Variants in CNGB1 observed in about 807,000 individuals in gnomAD.
CNGB1 encodes the protein cyclic nucleotide gated channel subunit beta 1.
CNGB1 carries 126 observed loss-of-function variants against 151.7 expected under a neutral mutation model. The ratio of observed to expected loss-of-function variants is 0.83; its 90% CI spans 0.72 to 0.96. The LOEUF is 0.96. Ranked by LOEUF, CNGB1 falls within the 40% of genes least tolerant of loss-of-function variation. CNGB1 has a pLI of 0.00. For missense variants in CNGB1, 1,698 were observed against 1,627.0 expected (o/e 1.04, Z -0.75); for synonymous variants, 623 against 635.1 (o/e 0.98, Z 0.29).
At chr16:57,954,934 A>T (rs1962046048) in intron 12 of CNGB1, 15 of 1,036,154 alleles carry the variant, frequency 1.4e-5, no homozygotes, top group Non-Finnish European at 1.7e-5. Context: ...GGTTTTTTAG[A>T]GACAGGGTCT....
rs189234741 is a variant in CNGB1, at chr16:57,962,611, C to T, written c.413-1G>A. 112 of 1,614,014 alleles carry T rather than the reference C, an allele frequency of 6.9e-5. No homozygotes were observed. Among genetic ancestry groups the T allele is most frequent in the Middle Eastern group, 1.6e-4 (1 of 6,062 alleles). ...GCCTCATTGGGTTCATCTGTGCACC[C>T]TGCAGGGTCAGAAAATACAGAAAGG... On this transcript the variant is annotated splice_acceptor_variant, in intron 6 of 32. Coordinates refer to ENST00000251102, the MANE Select transcript of CNGB1 (RefSeq NM_001297.5). LOFTEE classifies it high-confidence loss of function.
Position 57,901,448 on chromosome 16 carries a change from G to A in CNGB1, c.2893-13C>T. 1 of 1,614,186 alleles carries A rather than the reference G, an allele frequency of 6.2e-7. No homozygotes were observed. The highest frequency in any genetic ancestry group is 1.1e-5 in the South Asian group (1 of 91,086). On this transcript the variant is annotated splice_polypyrimidine_tract_variant and intron_variant, in intron 28 of 32. Transcript: ENST00000251102. Reference sequence around the variant, plus strand: ...GCCGGTCACAGCCCTGTCCCGGTGAGGAAGGGAAAGGAACTTTTTAGAGAA... The same window carrying A: ...GCCGGTCACAGCCCTGTCCCGGTGAAGAAGGGAAAGGAACTTTTTAGAGAA...
intron 14 of CNGB1, among the ~76,000 whole-genome samples, chr16:57,945,209 C>A (rs1334936988): frequency 1.3e-5 from 2 of 152,086 alleles, no homozygotes; most frequent in Non-Finnish European, 2.9e-5. Flanking sequence ...TCACTGCCTG[C>A]CTCTGAGTAT....
intron 10 of CNGB1, 101 bp downstream of exon 10, chr16:57,959,787 A>G: frequency 4.4e-6 from 6 of 1,374,400 alleles, no homozygotes; most frequent in Non-Finnish European, 5.7e-6. Context: ...GCACACATCC[A>G]GTTGAATTTT....
intron 16 of CNGB1, among the ~76,000 whole-genome samples, chr16:57,938,017 C>T (rs16959567): frequency 0.39 from 59,285 of 152,102 alleles, 13,595 homozygotes; most frequent in African/African-American, 0.65. Flanking sequence ...CTTGTTACCA[C>T]GAGGAGTCTG....
intron 25 of CNGB1, among the ~76,000 whole-genome samples, chr16:57,907,463 C>G (rs990778272): frequency 2.6e-5 from 4 of 152,262 alleles, no homozygotes; most frequent in Non-Finnish European, 4.4e-5. Flanking sequence ...TGGCTTCCCC[C>G]TAACAATAGC....
At position 57,884,317 on chromosome 16, in the gene CNGB1, CG is replaced by C; in HGVS notation, c.3602del (p.Pro1201ArgfsTer23). On this transcript the variant is annotated frameshift_variant, in exon 33 of 33. Coordinates refer to ENST00000251102, the MANE Select transcript of CNGB1 (RefSeq NM_001297.5). LOFTEE classifies it low-confidence loss of function (END_TRUNC). ...CCTCCGGCCTCCCAAGGGAGGCAGG[CG>C]GTGGAGAGCTCGGTGGAGACCCCGG... Reference protein sequence around the residue: ...EPPGSPPSSPPPASLGRPEGE... With the variant: ...EPPGSPPSSPXPASLGRPEGE... The C allele has an allele frequency of 6.2e-7, 1 of 1,612,164 alleles. No homozygotes were observed. The highest frequency in any genetic ancestry group is 8.5e-7 in the Non-Finnish European group (1 of 1,179,454).
At chr16:57,909,793 T>C (rs1438520152) in intron 25 of CNGB1, among the ~76,000 whole-genome samples, 1 of 152,206 alleles carries the variant, frequency 6.6e-6, no homozygotes, top group East Asian at 1.9e-4. Flanking sequence ...TTGGCACTTT[T>C]CCTTTTCATC....
intron 25 of CNGB1, among the ~76,000 whole-genome samples, chr16:57,909,528 A>G (rs1960650552): frequency 2.0e-5 from 3 of 152,008 alleles, no homozygotes; most frequent in Admixed American, 2.0e-4. Flanking sequence ...AGCTGGGATT[A>G]CAGGCGTGCA....
rs139780722 is a variant in CNGB1, at chr16:57,926,341, T to G, written c.1536-2961A>C. On this transcript the variant is annotated intron_variant, in intron 17 of 32. Coordinates refer to ENST00000251102, the MANE Select transcript of CNGB1 (RefSeq NM_001297.5). ...GCAGGGGTCACTGAGGCCATCACAGTGCAGACGCAGCACTCCACTGGGACC... is the reference window on the plus strand; with the variant it reads ...GCAGGGGTCACTGAGGCCATCACAGGGCAGACGCAGCACTCCACTGGGACC... Among the ~76,000 whole-genome samples, 117 of 152,306 alleles carry G rather than the reference T, an allele frequency of 7.7e-4. No homozygotes were observed. In the East Asian group the frequency reaches 0.021, roughly 28 times the overall value.
intron 19 of CNGB1, among the ~76,000 whole-genome samples, chr16:57,919,459 T>C (rs942103010): frequency 1.3e-5 from 2 of 152,196 alleles, no homozygotes; most frequent in Non-Finnish European, 2.9e-5. Flanking sequence ...AACAGCAACC[T>C]GGGTGCCCAC....
chr16:57,911,642 G>T, intron 25 of CNGB1, 111 bp downstream of exon 25: 1 of 1,456,930 alleles, frequency 6.9e-7, no homozygotes, highest in Non-Finnish European at 9.5e-7. Flanking sequence ...GAGCAAAGTG[G>T]CCTTGGCAAT....
chr16:57,949,241 G>C (rs1961885681), intron 14 of CNGB1, 112 bp downstream of exon 14: 1 of 1,582,660 alleles, frequency 6.3e-7, no homozygotes, highest in Non-Finnish European at 8.6e-7. Context: ...GCCTTACACA[G>C]CACAGAACAA....
intron 11 of CNGB1, among the ~76,000 whole-genome samples, chr16:57,957,992 C>G (rs1349983924): frequency 2.6e-5 from 4 of 152,210 alleles, no homozygotes; most frequent in African/African-American, 7.2e-5. Flanking sequence ...ATGAGCGCTC[C>G]CCCTGGCCAC....
intron 14 of CNGB1, chr16:57,946,584 A>G (rs769757025): frequency 6.6e-6 from 1 of 152,246 alleles, no homozygotes; most frequent in Admixed American, 6.5e-5. Context: ...TGGCAGAAGC[A>G]TCCCCAGGGA....
At chr16:57,910,199 A>G (rs1182881056) in intron 25 of CNGB1, among the ~76,000 whole-genome samples, 1 of 152,126 alleles carries the variant, frequency 6.6e-6, no homozygotes, top group African/African-American at 2.4e-5. Context: ...GTTAACATCA[A>G]CACAGACCTT....
At position 57,896,569 on chromosome 16, in the gene CNGB1, C is replaced by T. The variant is rs1296167178; in HGVS notation, c.3242+828G>A. On this transcript the variant is annotated intron_variant, in intron 31 of 32. Coordinates refer to ENST00000251102, the MANE Select transcript of CNGB1 (RefSeq NM_001297.5). ...CTCTACTAAAAATACAAAAATTAGC[C>T]GGGCGTGGTGGTGTGCACCTGTAAT... 7.2e-5 allele frequency among the ~76,000 whole-genome samples: 11 copies of T among 151,860 alleles called. No individual in the cohort carries two copies. In the South Asian group the frequency reaches 2.1e-3, roughly 29 times the overall value.
intron 25 of CNGB1, among the ~76,000 whole-genome samples, chr16:57,909,940 T>C (rs1960662812): frequency 6.6e-6 from 1 of 152,246 alleles, no homozygotes. Context: ...TCTGATGTGA[T>C]GGTTGTGAAT....
intron 27 of CNGB1, 94 bp from the exon 28 acceptor site, chr16:57,901,719 C>T: frequency 1.0e-6 from 1 of 965,744 alleles, no homozygotes; most frequent in Non-Finnish European, 1.6e-6. Flanking sequence ...CTCACCAGGG[C>T]ACACCATTGC....
Sources: allele counts gnomAD v4.1 joint callset (sites outside exome capture counted in the v4.1 genomes callset), GRCh38; gene constraint gnomAD v4.1.1; transcripts MANE v1.5; gene names NCBI Gene and HGNC (gene_info 2026-07-23, HGNC 2026-07-21).